Variants in TSPAN32 observed in about 807,000 individuals in gnomAD.
TSPAN32 encodes tetraspanin-32.
Under a neutral mutation model 42.7 loss-of-function variants are expected in TSPAN32, and 47 were observed. The observed-to-expected ratio is 1.10, with a 90% confidence interval of 0.87 to 1.40. The LOEUF (loss-of-function observed/expected upper bound fraction) is 1.40, where lower values mean the gene tolerates loss of function less well. Among genes scored for constraint, TSPAN32 ranks in the 40% most tolerant of loss-of-function variants. TSPAN32 has a pLI of 0.00. For synonymous variants in TSPAN32, 175 were observed against 175.9 expected (o/e 0.99, Z 0.04); for missense variants, 469 against 424.1 (o/e 1.11, Z -0.93).
In TSPAN32 at chr11:2,316,293, G is replaced by A; in HGVS notation, c.608G>A (p.Ser203Asn). Residue 203 changes from serine to asparagine, a missense_variant, in exon 7 of 10, where the codon AGC (serine) becomes AAC (asparagine). Physicochemically the swap from Ser to Asn is conservative, Grantham distance 46 (BLOSUM62 1). Transcript: ENST00000182290. ...CAGCAGGTCGCCTCCAGCCTGACCA[G>A]CATCGGCCTGGCCCTCACGGTACCC... ...THQQVASSLT[S>N]IGLALTVSAL... 3 of 1,601,958 alleles carry A rather than the reference G, an allele frequency of 1.9e-6. No individual in the cohort carries two copies. The highest frequency in any genetic ancestry group is 2.6e-6 in the Non-Finnish European group (3 of 1,176,056).
At chr11:2,302,466 C>G (rs554251461) in intron 1 of TSPAN32, among the ~76,000 whole-genome samples, 1 of 152,244 alleles carries the variant, frequency 6.6e-6, no homozygotes, top group South Asian at 2.1e-4. Flanking sequence ...GGGCTGAGGC[C>G]TGGGGCGAGC....
In TSPAN32 at chr11:2,307,349, G is replaced by A. The variant is rs535310806; in HGVS notation, c.280-1387G>A. ...GCATCACCCTGAATGGGGCCCCAGG[G>A]TTTGAAGGGCCCAGACCCAACCTGC... On this transcript the variant is annotated intron_variant, in intron 3 of 9. Coordinates refer to ENST00000182290, the MANE Select transcript of TSPAN32 (RefSeq NM_139022.3). 4.6e-5 allele frequency among the ~76,000 whole-genome samples: 7 copies of A among 152,346 alleles called. No homozygotes were observed. In the South Asian group the frequency reaches 1.4e-3, roughly 32 times the overall value.
At chr11:2,309,474 A>G (rs1848338175) in intron 4 of TSPAN32, 2 of 416,450 alleles carry the variant, frequency 4.8e-6, no homozygotes, top group African/African-American at 2.0e-5. Context: ...GCTCGGTAGC[A>G]GAGCCAGCCC....
At position 2,317,989 on chromosome 11, in the gene TSPAN32, A is replaced by T; in HGVS notation, c.*65A>T. ...CGGGGAAGCATCTGCCTCCAGGACC[A>T]TTCAGGCTGTTGACAAGTCAACTCC... is the stretch of plus-strand genomic sequence containing the variant. On this transcript the variant is annotated 3_prime_UTR_variant, in exon 10 of 10. Transcript: ENST00000182290. The surrounding 1 kb of genome is among the most constrained non-coding windows in gnomAD (Gnocchi z 6.2). 1 of 743,474 alleles carries T rather than the reference A, an allele frequency of 1.3e-6. No homozygotes were observed. Among genetic ancestry groups the T allele is most frequent in the Non-Finnish European group, 2.4e-6 (1 of 410,102 alleles). 46.1% of individuals were successfully genotyped at this position (743,474 alleles called of 1,614,324 possible).
chr11:2,302,139 G>GAGGAA lies in TSPAN32; in HGVS notation c.-10_-6dup, dbSNP rs1847786376. The GAGGAA allele has an allele frequency of 3.4e-6, 5 of 1,470,778 alleles. No individual in the cohort carries two copies. The highest frequency in any genetic ancestry group is 4.5e-6 in the Non-Finnish European group (5 of 1,110,624). 91.1% of individuals were successfully genotyped at this position (1,470,778 alleles called of 1,614,324 possible). On this transcript the variant is annotated 5_prime_UTR_variant, in exon 1 of 10. Transcript: ENST00000182290. ...GAAGGGAGGGGAGGAGAGGAGAGGA[G>GAGGAA]AGGAACCGTCATGGGGCCTTGGAGT...
intron 6 of TSPAN32, chr11:2,315,034 A>AGCGAGGCTGGAGGGTCAGC: frequency 3.6e-6 from 1 of 274,366 alleles, no homozygotes; most frequent in Non-Finnish European, 7.1e-6. Flanking sequence ...GAGGAGAAGA[A>AGCGAGGCTGGAGGGTCAGC]GTAGGCCAGG....
chr11:2,305,486 C>T (rs1848028375), intron 3 of TSPAN32, among the ~76,000 whole-genome samples: 2 of 152,174 alleles, frequency 1.3e-5, no homozygotes, highest in Non-Finnish European at 2.9e-5. Flanking sequence ...AAAGAACCAG[C>T]GCTGGGGCTG....
At position 2,317,258 on chromosome 11, in the gene TSPAN32, T is replaced by C. The variant is rs1428595376; in HGVS notation, c.720-86T>C. ...TCCAGAACATTCTGCAACAGCCCCA[T>C]GATCCCCTCTAGAACATTCCACAAT... On this transcript the variant is annotated intron_variant, in intron 8 of 9. Transcript: ENST00000182290. The surrounding 1 kb of genome is among the most constrained non-coding windows in gnomAD (Gnocchi z 6.2). 1.9e-6 allele frequency: 2 copies of C among 1,074,252 alleles called. No homozygotes were observed. The highest frequency in any genetic ancestry group is 1.4e-6 in the Non-Finnish European group (1 of 735,338). The allele number at this position is 1,074,252 out of a possible 1,614,324, so 66.5% of individuals were successfully genotyped here.
intron 6 of TSPAN32, chr11:2,315,361 G>T: frequency 8.6e-7 from 1 of 1,157,148 alleles, no homozygotes; most frequent in South Asian, 1.7e-5. Context: ...TGGCGCTGAG[G>T]ATGGTGCTGG....
At position 2,316,609 on chromosome 11, in the gene TSPAN32, T is replaced by G; in HGVS notation, c.661T>G (p.Phe221Val). The G allele has an allele frequency of 6.4e-7, 1 of 1,555,502 alleles. No homozygotes were observed. ...CTTGCTCTTCAGCTCCTTCCTGTGGTTTGCCATCCGCTGTGGCTGCAGCTT... is the reference window on the plus strand; with the variant it reads ...CTTGCTCTTCAGCTCCTTCCTGTGGGTTGCCATCCGCTGTGGCTGCAGCTT... ...SALLFSSFLW[F>V]AIRCGCSLDR... The change falls in exon 8 of 10, where the codon TTT (phenylalanine) becomes GTT (valine). Residue 221 changes from phenylalanine (F) to valine (V), a missense_variant. By Grantham distance (50) the Phe-to-Val change is conservative. Transcript: ENST00000182290.
chr11:2,315,213 C>G, intron 6 of TSPAN32: 2 of 1,158,174 alleles, frequency 1.7e-6, no homozygotes, highest in Non-Finnish European at 2.2e-6. Context: ...CCCTCCCCTA[C>G]TGTCCTGGAA....
At chr11:2,305,377 C>CCCT (rs904950713) in intron 3 of TSPAN32, among the ~76,000 whole-genome samples, 2 of 143,604 alleles carry the variant, frequency 1.4e-5, no homozygotes, top group Non-Finnish European at 3.0e-5. Flanking sequence ...TCTGCCCCCC[C>CCCT]CCCCAGAGGG....
intron 4 of TSPAN32, chr11:2,310,114 A>T (rs978347656): frequency 6.6e-6 from 1 of 152,260 alleles, no homozygotes; most frequent in Non-Finnish European, 1.5e-5. Context: ...TTTCCTGTCC[A>T]CTGAGGGGTG....
In TSPAN32 at chr11:2,302,879, T is replaced by C; in HGVS notation, c.102T>C (p.Leu34=). 2 of 1,613,630 alleles carry C rather than the reference T, an allele frequency of 1.2e-6. No homozygotes were observed. Among genetic ancestry groups the C allele is most frequent in the Non-Finnish European group, 1.7e-6 (2 of 1,179,826 alleles). The change falls in exon 2 of 10, where the codon CTT becomes CTC. Residue 34 remains leucine (L), a synonymous_variant. Coordinates refer to ENST00000182290, the MANE Select transcript of TSPAN32 (RefSeq NM_139022.3). ...LGLSVATMVT[L]TYFGAHFAVI... ...TCTCTGTGGCCACCATGGTGACTCT[T>C]ACCTACTTCGGGGCCCACTTTGCTG...
chr11:2,307,557 TC>T (rs753284512), intron 3 of TSPAN32, among the ~76,000 whole-genome samples: 24 of 152,202 alleles, frequency 1.6e-4, no homozygotes, highest in Admixed American at 1.0e-3. Context: ...TGGGAGGACA[TC>T]CCCAGGGTTC....
At chr11:2,308,193 A>C (rs7935483) in intron 3 of TSPAN32, among the ~76,000 whole-genome samples, 135,341 of 152,156 alleles carry the variant, frequency 0.89, 61,085 homozygotes, top group Non-Finnish European at 0.93. Flanking sequence ...CAAAAAGCGC[A>C]GGGGAAGGGG....
Position 2,317,293 on chromosome 11 carries a change from G to T in TSPAN32, c.720-51G>T. Reference sequence around the variant, plus strand: ...TAGAACATTCCACAATAGCCTCACAGGTCCCCTGTAGAACATTCCACCACA... The same window carrying T: ...TAGAACATTCCACAATAGCCTCACATGTCCCCTGTAGAACATTCCACCACA... On this transcript the variant is annotated intron_variant, in intron 8 of 9. Coordinates refer to ENST00000182290, the MANE Select transcript of TSPAN32 (RefSeq NM_139022.3). This position sits in a 1 kb window ranked among gnomAD's most constrained non-coding sequence, Gnocchi z 6.2. 6.9e-7 allele frequency: 1 copy of T among 1,441,506 alleles called. No homozygotes were observed. 89.3% of individuals were successfully genotyped at this position (1,441,506 alleles called of 1,614,324 possible).
chr11:2,306,371 C>G (rs4930079), intron 3 of TSPAN32, among the ~76,000 whole-genome samples: 38,182 of 152,018 alleles, frequency 0.25, 5,822 homozygotes, highest in Non-Finnish European at 0.35. Flanking sequence ...CAAGGAAGCA[C>G]ATTCAATTCG....
chr11:2,312,580 G>A (rs923589967), intron 4 of TSPAN32, among the ~76,000 whole-genome samples: 1 of 152,236 alleles, frequency 6.6e-6, no homozygotes. Context: ...CTCCAGGCTT[G>A]GGCAGGGCTG....
Sources: allele counts gnomAD v4.1 joint callset (sites outside exome capture counted in the v4.1 genomes callset), GRCh38; gene constraint gnomAD v4.1.1; non-coding constraint Gnocchi (gnomAD v3.1); transcripts MANE v1.5; gene names NCBI Gene and HGNC (gene_info 2026-07-23, HGNC 2026-07-21).